The following FHOD3 variants were observed in gnomAD, a reference collection of about 807,000 sequenced individuals.
FHOD3 encodes the protein FH1/FH2 domain-containing protein 3.
In FHOD3, 90 loss-of-function variants were observed where a neutral mutation model predicts 173.0. That is an observed-to-expected ratio of 0.52 (90% CI 0.44 to 0.62). The LOEUF is 0.62. Ranked by LOEUF, FHOD3 falls within the 20% of genes least tolerant of loss-of-function variation. The pLI, the probability that FHOD3 is intolerant of heterozygous loss-of-function variation, is 0.00. For synonymous variants in FHOD3, 828 were observed against 823.0 expected, an observed-to-expected ratio of 1.01 and a Z score of -0.10; for missense variants, 1,945 against 2,034.7, an observed-to-expected ratio of 0.96 and a Z score of 0.85.
At chr18:36,700,817 C>T (rs2039543593) in intron 17 of FHOD3, among the ~76,000 whole-genome samples, 1 of 152,212 alleles carries the variant, frequency 6.6e-6, no homozygotes, top group African/African-American at 2.4e-5. Context: ...ATGCTCCATC[C>T]ACACCAAACC....
chr18:36,552,397 C>A (rs1212331288), intron 5 of FHOD3, among the ~76,000 whole-genome samples: 1 of 152,184 alleles, frequency 6.6e-6, no homozygotes, highest in Non-Finnish European at 1.5e-5. Flanking sequence ...AGATTTTGGG[C>A]TGAGACTATC....
intron 10 of FHOD3, among the ~76,000 whole-genome samples, chr18:36,641,360 A>G (rs1460205327): frequency 1.3e-5 from 2 of 152,212 alleles, no homozygotes; most frequent in Non-Finnish European, 2.9e-5. Flanking sequence ...TGGAGAGGTG[A>G]TAAGAGATTA....
intron 1 of FHOD3, among the ~76,000 whole-genome samples, chr18:36,324,891 C>A (rs2044589089): frequency 2.0e-5 from 3 of 152,212 alleles, no homozygotes; most frequent in African/African-American, 7.2e-5. Context: ...CAAAACAGAG[C>A]AGTCTGTGTG....
intron 2 of FHOD3, among the ~76,000 whole-genome samples, chr18:36,358,888 C>G (rs1225406261): frequency 1.3e-5 from 2 of 152,062 alleles, no homozygotes; most frequent in African/African-American, 2.4e-5. Flanking sequence ...CCTGTCTTAG[C>G]CTCTCAAAGT....
At chr18:36,365,455 G>A (rs2046853817) in intron 2 of FHOD3, among the ~76,000 whole-genome samples, 1 of 152,170 alleles carries the variant, frequency 6.6e-6, no homozygotes, top group South Asian at 2.1e-4. Context: ...TGTATGAGAT[G>A]GCCAGAAAAG....
intron 5 of FHOD3, among the ~76,000 whole-genome samples, chr18:36,540,162 A>T (rs1332000189): frequency 4.6e-5 from 7 of 152,222 alleles, no homozygotes; most frequent in Non-Finnish European, 4.4e-5. Context: ...AAAATTCTGC[A>T]TCTCAAGAAT....
intron 3 of FHOD3, among the ~76,000 whole-genome samples, chr18:36,402,026 C>T (rs2048836122): frequency 1.3e-5 from 2 of 152,128 alleles, no homozygotes; most frequent in South Asian, 4.1e-4. Context: ...TTAAAAATTC[C>T]ATTTTGTTTT....
At chr18:36,684,273 A>C (rs551503784) in intron 15 of FHOD3, among the ~76,000 whole-genome samples, 2 of 152,352 alleles carry the variant, frequency 1.3e-5, no homozygotes, top group African/African-American at 4.8e-5. Flanking sequence ...TAAGACCTCA[A>C]ATCTCATTAC....
intron 2 of FHOD3, among the ~76,000 whole-genome samples, chr18:36,360,114 C>A (rs1281717735): frequency 6.6e-6 from 1 of 152,226 alleles, no homozygotes; most frequent in Non-Finnish European, 1.5e-5. Flanking sequence ...AAACCAATGC[C>A]AGCCTGGGTC....
intron 24 of FHOD3, among the ~76,000 whole-genome samples, chr18:36,753,890 T>G (rs1236391492): frequency 6.6e-6 from 1 of 152,244 alleles, no homozygotes; most frequent in Non-Finnish European, 1.5e-5. Flanking sequence ...CCATTTTTTA[T>G]TTGTCTTTTT....
At chr18:36,709,806 A>G (rs1475330289) in intron 18 of FHOD3, 1 of 165,018 alleles carries the variant, frequency 6.1e-6, no homozygotes, top group Non-Finnish European at 1.3e-5. Context: ...ATTGTCATCT[A>G]TTCCTTTAAA....
intron 4 of FHOD3, among the ~76,000 whole-genome samples, chr18:36,509,091 A>G (rs1054978383): frequency 6.6e-6 from 1 of 152,248 alleles, no homozygotes; most frequent in Non-Finnish European, 1.5e-5. Flanking sequence ...TGTAACCAAC[A>G]AAATCTGGAC....
intron 3 of FHOD3, among the ~76,000 whole-genome samples, chr18:36,484,196 A>G (rs1319645991): frequency 6.6e-6 from 1 of 152,232 alleles, no homozygotes; most frequent in Non-Finnish European, 1.5e-5. Flanking sequence ...GGGCTCCTTC[A>G]TATAGGCAAC....
chr18:36,664,393 C>T (rs947052420), intron 14 of FHOD3, among the ~76,000 whole-genome samples: 6 of 152,170 alleles, frequency 3.9e-5, no homozygotes, highest in Admixed American at 3.3e-4. Context: ...CCACTAGTTC[C>T]TGACAGCAGT....
chr18:36,398,884 T>TG (rs900375310), intron 3 of FHOD3, among the ~76,000 whole-genome samples: 12 of 151,894 alleles, frequency 7.9e-5, no homozygotes, highest in Middle Eastern at 3.4e-3. Context: ...AGGACAGGGA[T>TG]GGGGGGGATC....
rs1188057462 is a variant in FHOD3 at position 36,763,325 on chromosome 18, TAC to T, written c.4624+2546_4624+2547del. Among the ~76,000 whole-genome samples the T allele has an allele frequency of 3.6e-5, 5 of 139,826 alleles. No individual in the cohort carries two copies. In the Admixed American group the frequency reaches 3.7e-4, roughly 10 times the overall value. 91.7% of individuals were successfully genotyped at this position (139,826 alleles called of 152,430 possible). A position where few individuals can be genotyped will look rare whatever the true frequency, so the allele number is the denominator to read the frequency against. ...CACGTTATATACAATATGCGTATTA[TAC>T]ACGTTATATACAATATGCGTATTAT... On this transcript the variant is annotated intron_variant, in intron 27 of 28. Transcript: ENST00000590592.
chr18:36,355,656 C>G lies in FHOD3; in HGVS notation c.272+11C>G, dbSNP rs2046325153. 3 of 1,610,538 alleles carry G rather than the reference C, an allele frequency of 1.9e-6. No individual in the cohort carries two copies. Among genetic ancestry groups the G allele is most frequent in the Admixed American group, 3.3e-5 (2 of 60,010 alleles). ...CCAGGATGACGCCGGGTAAGAGCAA[C>G]TGTTCACCCTGCTGACTGGTCCCCA... On this transcript the variant is annotated intron_variant, in intron 2 of 28. Transcript: ENST00000590592.
intron 15 of FHOD3, among the ~76,000 whole-genome samples, chr18:36,684,504 AT>A (rs1389996954): frequency 5.3e-5 from 8 of 152,152 alleles, no homozygotes; most frequent in South Asian, 2.1e-4. Context: ...TAAAAAAAAA[AT>A]AAAAGATATA....
At chr18:36,684,105 C>T (rs1459352982) in intron 15 of FHOD3, among the ~76,000 whole-genome samples, 1 of 152,150 alleles carries the variant, frequency 6.6e-6, no homozygotes, top group Non-Finnish European at 1.5e-5. Context: ...GAACTAAGTA[C>T]AGAGTGGGAG....
Sources: allele counts gnomAD v4.1 joint callset (sites outside exome capture counted in the v4.1 genomes callset), GRCh38; gene constraint gnomAD v4.1.1; transcripts MANE v1.5; gene names NCBI Gene and HGNC (gene_info 2026-07-23, HGNC 2026-07-21).